The following ROR1 variants were observed in gnomAD, a reference collection of about 807,000 sequenced individuals.
The protein encoded by ROR1 is ROR family WNT receptor 1, also known as inactive tyrosine-protein kinase transmembrane receptor ROR1.
ROR1 carries 19 observed loss-of-function variants against 78.8 expected under a neutral mutation model. The ratio of observed to expected loss-of-function variants is 0.24; its 90% CI spans 0.17 to 0.35. The LOEUF (loss-of-function observed/expected upper bound fraction) is 0.35, where lower values mean the gene tolerates loss of function less well. Ranked by LOEUF, ROR1 falls within the 10% of genes least tolerant of loss-of-function variation. ROR1 has a pLI of 1.00. For synonymous variants in ROR1, 386 were observed against 433.6 expected (o/e 0.89, Z 1.36); for missense variants, 917 against 1,177.8 (o/e 0.78, Z 3.24).
At chr1:64,167,206 A>C (rs1399570485) in intron 8 of ROR1, among the ~76,000 whole-genome samples, 3 of 152,182 alleles carry the variant, frequency 2.0e-5, no homozygotes, top group Non-Finnish European at 4.4e-5. Flanking sequence ...TGAGCACGTG[A>C]TGGCTCAAGC....
At chr1:63,849,806 G>A (rs964081689) in intron 1 of ROR1, among the ~76,000 whole-genome samples, 15 of 152,140 alleles carry the variant, frequency 9.9e-5, no homozygotes, top group African/African-American at 2.7e-4. Context: ...CTAAGCCATC[G>A]TGCTTTGTTT....
rs193277531 is a variant in ROR1, at chr1:64,149,441, C to G, written c.1174+6791C>G. On this transcript the variant is annotated intron_variant, in intron 7 of 8. Coordinates refer to ENST00000371079, the MANE Select transcript of ROR1 (RefSeq NM_005012.4). ...TCTCTCTGGGTCTTTGGGATGCTGC[C>G]CATTGATATTCTTATTTGCAGCTCC... Among the ~76,000 whole-genome samples the G allele has an allele frequency of 5.6e-3, 851 of 152,192 alleles. 3 individuals are homozygous for G. Among genetic ancestry groups the G allele is most frequent in the Non-Finnish European group, 9.3e-3 (631 of 68,002 alleles).
chr1:63,904,138 A>G (rs1219937203), intron 1 of ROR1, among the ~76,000 whole-genome samples: 1 of 152,200 alleles, frequency 6.6e-6, no homozygotes, highest in Non-Finnish European at 1.5e-5. Context: ...GAAGAACTCA[A>G]GTCTCTAGGG....
At chr1:63,845,606 G>A (rs940998552) in intron 1 of ROR1, among the ~76,000 whole-genome samples, 4 of 151,998 alleles carry the variant, frequency 2.6e-5, no homozygotes, top group African/African-American at 7.3e-5. Context: ...TTTCTTTTAG[G>A]TTCCTGTTTC....
intron 1 of ROR1, among the ~76,000 whole-genome samples, chr1:63,961,071 CT>C (rs1229030980): frequency 3.9e-5 from 6 of 152,150 alleles, no homozygotes; most frequent in Admixed American, 3.3e-4. Context: ...TTTTCTTTCT[CT>C]TTTTCCCTTT....
At chr1:63,848,199 A>G (rs748484845) in intron 1 of ROR1, among the ~76,000 whole-genome samples, 1 of 152,224 alleles carries the variant, frequency 6.6e-6, no homozygotes, top group Non-Finnish European at 1.5e-5. Flanking sequence ...TGGCTAAAGC[A>G]GATGGTTATA....
At chr1:64,137,614 AC>A in intron 5 of ROR1, 118 bp downstream of exon 5, 1 of 927,840 alleles carries the variant, frequency 1.1e-6, no homozygotes, top group Non-Finnish European at 1.6e-6. Flanking sequence ...TGGGAGCAGG[AC>A]CATAAAAAAG....
At chr1:64,099,932 G>A (rs2253399) in intron 4 of ROR1, among the ~76,000 whole-genome samples, 58,175 of 151,616 alleles carry the variant, frequency 0.38, 12,507 homozygotes, top group Non-Finnish European at 0.5. Context: ...GCGCGTGCCT[G>A]TAGTCCCAGC....
intron 7 of ROR1, among the ~76,000 whole-genome samples, chr1:64,155,955 G>A (rs1039261139): frequency 1.3e-5 from 2 of 152,142 alleles, no homozygotes; most frequent in East Asian, 3.9e-4. Context: ...TGATTCTCAG[G>A]TGAACCAAAT....
chr1:64,110,862 A>T (rs939663002), intron 4 of ROR1: 6 of 152,114 alleles, frequency 3.9e-5, no homozygotes, highest in African/African-American at 1.4e-4. Flanking sequence ...ACTTGAAACC[A>T]TTTAAAAAAT....
intron 1 of ROR1, among the ~76,000 whole-genome samples, chr1:63,960,725 A>C (rs1327578854): frequency 6.6e-6 from 1 of 152,220 alleles, no homozygotes; most frequent in Non-Finnish European, 1.5e-5. Flanking sequence ...TTGAACTCTC[A>C]GCCTTTCCAT....
chr1:63,896,976 G>A (rs17125776), intron 1 of ROR1, among the ~76,000 whole-genome samples: 2,210 of 152,276 alleles, frequency 0.015, 58 homozygotes, highest in African/African-American at 0.05. Flanking sequence ...GTCAAATGAA[G>A]TAATAGGTAT....
At position 63,898,554 on chromosome 1, in the gene ROR1, G is replaced by C. The variant is rs182326168; in HGVS notation, c.92-110751G>C. On this transcript the variant is annotated intron_variant, in intron 1 of 8. Coordinates refer to ENST00000371079, the MANE Select transcript of ROR1 (RefSeq NM_005012.4). ...GAAAGAGAATGAAAGGACAAAGGAG[G>C]AGGGAAAGAAAGAAGGAAGGAAGGA... 2.0e-3 allele frequency among the ~76,000 whole-genome samples: 308 copies of C among 151,138 alleles called. 3 individuals carry two copies. The highest frequency in any genetic ancestry group is 7.0e-3 in the African/African-American group (287 of 41,176).
intron 1 of ROR1, among the ~76,000 whole-genome samples, chr1:63,892,065 T>G (rs2100390242): frequency 6.6e-6 from 1 of 152,296 alleles, no homozygotes; most frequent in East Asian, 1.9e-4. Context: ...TACTACTTAG[T>G]GATTTTATTC....
chr1:63,937,185 A>G (rs1645800335), intron 1 of ROR1, among the ~76,000 whole-genome samples: 1 of 152,004 alleles, frequency 6.6e-6, no homozygotes, highest in Non-Finnish European at 1.5e-5. Flanking sequence ...TCATCTTTCT[A>G]TCTCTTAGTG....
At chr1:63,844,050 A>G (rs1645065596) in intron 1 of ROR1, among the ~76,000 whole-genome samples, 1 of 152,184 alleles carries the variant, frequency 6.6e-6, no homozygotes, top group Admixed American at 6.5e-5. Context: ...GGGGCAGCAT[A>G]TCAGAGTGAT....
chr1:63,776,530 A>G (rs1032959042), intron 1 of ROR1, among the ~76,000 whole-genome samples: 1 of 152,186 alleles, frequency 6.6e-6, no homozygotes, highest in African/African-American at 2.4e-5. Flanking sequence ...AGAACAGGAT[A>G]GGGATTTTTA....
At chr1:64,108,862 C>T (rs576143755) in intron 4 of ROR1, among the ~76,000 whole-genome samples, 26 of 152,288 alleles carry the variant, frequency 1.7e-4, no homozygotes, top group African/African-American at 6.3e-4. Flanking sequence ...CTTACAGGGT[C>T]GTAAGCATCC....
chr1:64,008,197 T>C (rs1417483689), intron 1 of ROR1, among the ~76,000 whole-genome samples: 4 of 152,178 alleles, frequency 2.6e-5, no homozygotes, highest in Non-Finnish European at 5.9e-5. Flanking sequence ...CTCCCACTTA[T>C]AAGTGAGAAC....
Sources: gnomAD v4.1 joint callset for allele counts (sites outside exome capture counted in the v4.1 genomes callset) on GRCh38, gnomAD v4.1.1 for gene constraint, MANE v1.5 for transcripts, NCBI Gene and HGNC (gene_info 2026-07-23, HGNC 2026-07-21) for gene names.